Variants in SOX5 observed in about 807,000 individuals in gnomAD.
SOX5 encodes the protein SRY-box transcription factor 5, also known as transcription factor SOX-5.
Under a neutral mutation model 92.0 loss-of-function variants are expected in SOX5, and 9 were observed. That is an observed-to-expected ratio of 0.10 (90% confidence interval 0.06 to 0.17). The LOEUF is 0.17. Among genes scored for constraint, SOX5 ranks in the 10% least tolerant of loss-of-function variants. The probability of loss-of-function intolerance (pLI) is 1.00; values close to 1 mark genes in which losing one functional copy is unlikely to be tolerated. For missense variants in SOX5, 642 were observed against 944.5 expected (o/e 0.68, Z 4.20); for synonymous variants, 344 against 336.3 (o/e 1.02, Z -0.25).
At chr12:23,724,359 T>C (rs1455766528) in intron 6 of SOX5, among the ~76,000 whole-genome samples, 1 of 152,160 alleles carries the variant, frequency 6.6e-6, no homozygotes, top group African/African-American at 2.4e-5. Context: ...TCTGAATTCT[T>C]GTGCTAATAA....
At chr12:24,032,586 T>C (rs1039229) in intron 4 of SOX5, among the ~76,000 whole-genome samples, 49,048 of 151,694 alleles carry the variant, frequency 0.32, 8,391 homozygotes, top group East Asian at 0.63. Context: ...TAGCATTTCC[T>C]GCTGTTAACT....
At chr12:24,026,801 C>G (rs1267245604) in intron 4 of SOX5, among the ~76,000 whole-genome samples, 2 of 151,938 alleles carry the variant, frequency 1.3e-5, no homozygotes, top group South Asian at 4.1e-4. Flanking sequence ...GCACTGCCAT[C>G]GAAGACTCAC....
At chr12:24,377,643 C>T (rs1235225949) in intron 1 of SOX5, among the ~76,000 whole-genome samples, 3 of 152,188 alleles carry the variant, frequency 2.0e-5, no homozygotes, top group Non-Finnish European at 4.4e-5. Context: ...TTTCCAGCCT[C>T]GTGCTCCTTC....
At chr12:24,016,321 G>GA (rs945555814) in intron 4 of SOX5, among the ~76,000 whole-genome samples, 3 of 151,624 alleles carry the variant, frequency 2.0e-5, no homozygotes, top group South Asian at 2.1e-4. Flanking sequence ...AACCAATCGG[G>GA]AAAAAAAACA....
chr12:24,231,718 GGCCCAC>G (rs1963446654), intron 3 of SOX5, among the ~76,000 whole-genome samples: 1 of 152,078 alleles, frequency 6.6e-6, no homozygotes. Flanking sequence ...GGCATGAAAG[GGCCCAC>G]AGTTATATTC....
chr12:24,457,279 T>C (rs1279594836), intron 1 of SOX5, among the ~76,000 whole-genome samples: 1 of 152,150 alleles, frequency 6.6e-6, no homozygotes, highest in Non-Finnish European at 1.5e-5. Flanking sequence ...CAATGGTGTA[T>C]TTTTTACCTT....
rs1565568053 is a variant in SOX5 at position 23,533,166 on chromosome 12, G to A, written c.*1053C>T. On this transcript the variant is annotated 3_prime_UTR_variant, in exon 15 of 15. Coordinates refer to ENST00000451604, the MANE Select transcript of SOX5 (RefSeq NM_006940.6). ...TTATTTCTAGACCAGTCACTTGGGA[G>A]GATGTGGGATTTCATCCCCAGATGT... 2.2e-6 allele frequency: 1 copy of A among 456,380 alleles called. No homozygotes were observed. Among genetic ancestry groups the A allele is most frequent in the Non-Finnish European group, 4.4e-6 (1 of 226,808 alleles). The allele number at this position is 456,380 out of a possible 1,614,324, so 28.3% of individuals were successfully genotyped here. A position where few individuals can be genotyped will look rare whatever the true frequency, so the allele number is the denominator to read the frequency against.
chr12:24,192,815 C>T (rs549809052), intron 4 of SOX5, among the ~76,000 whole-genome samples: 1 of 152,290 alleles, frequency 6.6e-6, no homozygotes, highest in East Asian at 1.9e-4. Flanking sequence ...CTTCCCTGTC[C>T]TCCAGCCTCT....
rs373755300 is a variant in SOX5 at position 23,550,220 on chromosome 12, G to A, written c.1489-3796C>T. On this transcript the variant is annotated intron_variant, in intron 11 of 14. Coordinates refer to ENST00000451604, the MANE Select transcript of SOX5 (RefSeq NM_006940.6). Reference sequence around the variant, plus strand: ...TAAGCCAAAAACCATTCTGAATGGCGAAAGGCCACAGGGATTCATGGGAAG... The same window carrying A: ...TAAGCCAAAAACCATTCTGAATGGCAAAAGGCCACAGGGATTCATGGGAAG... Among the ~76,000 whole-genome samples the A allele has an allele frequency of 4.1e-4, 62 of 151,990 alleles. 1 individual carries two copies. Among genetic ancestry groups the A allele is most frequent in the Non-Finnish European group, 5.3e-4 (36 of 67,840 alleles).
chr12:23,705,832 A>T (rs1043430890), intron 6 of SOX5, among the ~76,000 whole-genome samples: 1 of 152,090 alleles, frequency 6.6e-6, no homozygotes, highest in Admixed American at 6.6e-5. Context: ...AGGAGCCAGA[A>T]TGTGAAGCGG....
At chr12:23,651,679 A>G (rs1356990412) in intron 7 of SOX5, among the ~76,000 whole-genome samples, 1 of 152,114 alleles carries the variant, frequency 6.6e-6, no homozygotes, top group Admixed American at 6.6e-5. Context: ...CTGGGGAAAG[A>G]ATCAGAGGAG....
chr12:24,291,606 G>A (rs1946629324), intron 2 of SOX5, among the ~76,000 whole-genome samples: 1 of 152,134 alleles, frequency 6.6e-6, no homozygotes, highest in Admixed American at 6.5e-5. Flanking sequence ...AGAAATTCAA[G>A]GAAATCATGC....
At chr12:24,330,929 G>GTTAC (rs1951234727) in intron 2 of SOX5, among the ~76,000 whole-genome samples, 2 of 152,350 alleles carry the variant, frequency 1.3e-5, no homozygotes, top group East Asian at 3.9e-4. Context: ...ATGGAAAGCA[G>GTTAC]ACGGAGTTAC....
At chr12:24,446,271 G>GAC (rs536119887) in intron 1 of SOX5, among the ~76,000 whole-genome samples, 29,132 of 152,024 alleles carry the variant, frequency 0.19, 2,866 homozygotes, top group Middle Eastern at 0.22. Context: ...TAATATGACA[G>GAC]GGAGAGACTG....
At chr12:23,768,431 T>C (rs780184393) in intron 3 of SOX5, among the ~76,000 whole-genome samples, 13 of 152,076 alleles carry the variant, frequency 8.5e-5, no homozygotes, top group Non-Finnish European at 1.8e-4. Flanking sequence ...TACAGAACAA[T>C]TACATCTCTC....
At chr12:23,700,361 G>A (rs968599318) in intron 6 of SOX5, among the ~76,000 whole-genome samples, 6 of 152,038 alleles carry the variant, frequency 3.9e-5, no homozygotes, top group South Asian at 2.1e-4. Flanking sequence ...TTACAGTGTC[G>A]TAGTCTGTGT....
intron 3 of SOX5, among the ~76,000 whole-genome samples, chr12:23,815,807 A>G (rs1456169555): frequency 2.0e-5 from 3 of 152,188 alleles, no homozygotes; most frequent in African/African-American, 7.2e-5. Context: ...GGAACTCTGG[A>G]TAATGGAATG....
chr12:23,636,184 G>A (rs1191041225), intron 8 of SOX5, among the ~76,000 whole-genome samples: 1 of 152,086 alleles, frequency 6.6e-6, no homozygotes, highest in Non-Finnish European at 1.5e-5. Flanking sequence ...ATAATAAATG[G>A]TGTCTATGGC....
chr12:23,734,792 G>A (rs367600825), intron 5 of SOX5, 40 bp from the exon 6 acceptor site: 1 of 1,528,492 alleles, frequency 6.5e-7, no homozygotes, highest in Non-Finnish European at 9.0e-7. Flanking sequence ...CAAGTATATT[G>A]TAGTCCCGGA....
Sources: gnomAD v4.1 joint callset for allele counts (sites outside exome capture counted in the v4.1 genomes callset) on GRCh38, gnomAD v4.1.1 for gene constraint, MANE v1.5 for transcripts, NCBI Gene and HGNC (gene_info 2026-07-23, HGNC 2026-07-21) for gene names.